The following DSCAML1 variants were observed in gnomAD, a reference collection of about 807,000 sequenced individuals.
The protein encoded by DSCAML1 is cell adhesion molecule DSCAML1.
Under a neutral mutation model 200.5 loss-of-function variants are expected in DSCAML1, and 38 were observed. That is an observed-to-expected ratio of 0.19 (90% CI 0.15 to 0.25). The LOEUF is 0.25. Among genes scored for constraint, DSCAML1 ranks in the 10% least tolerant of loss-of-function variants. The probability of loss-of-function intolerance (pLI) is 1.00; values close to 1 mark genes in which losing one functional copy is unlikely to be tolerated. For missense variants in DSCAML1, 2,223 were observed against 2,858.8 expected (o/e 0.78, Z 5.07); for synonymous variants, 1,215 against 1,165.0 (o/e 1.04, Z -0.87).
chr11:117,513,623 C>G (rs1166678230), intron 8 of DSCAML1, among the ~76,000 whole-genome samples: 1 of 151,856 alleles, frequency 6.6e-6, no homozygotes, highest in African/African-American at 2.4e-5. Context: ...CGCCTGTAGT[C>G]CCAGCTACTC....
At chr11:117,431,158 G>A (rs2047783347) in intron 31 of DSCAML1, 125 bp from the exon 32 acceptor site, 1 of 944,446 alleles carries the variant, frequency 1.1e-6, no homozygotes, top group Non-Finnish European at 1.6e-6. Context: ...GCACCAGGCT[G>A]AGAAGATCCC....
chr11:117,445,171 C>T (rs1372754522), intron 20 of DSCAML1, among the ~76,000 whole-genome samples: 5 of 152,206 alleles, frequency 3.3e-5, no homozygotes, highest in Non-Finnish European at 1.5e-5. Flanking sequence ...CTGAGAGGCC[C>T]AATAACTTAT....
chr11:117,602,435 A>G (rs1229824521), intron 3 of DSCAML1, among the ~76,000 whole-genome samples: 1 of 152,128 alleles, frequency 6.6e-6, no homozygotes, highest in Non-Finnish European at 1.5e-5. Context: ...ATCTCAGTTC[A>G]CTGCAACCTC....
At chr11:117,484,590 T>C (rs1156594570) in intron 11 of DSCAML1, among the ~76,000 whole-genome samples, 1 of 152,250 alleles carries the variant, frequency 6.6e-6, no homozygotes, top group Admixed American at 6.5e-5. Context: ...GTATGAATTA[T>C]TGACTAAGGT....
At chr11:117,514,485 C>T (rs1252195513) in intron 8 of DSCAML1, among the ~76,000 whole-genome samples, 5 of 151,646 alleles carry the variant, frequency 3.3e-5, no homozygotes, top group South Asian at 4.2e-4. Context: ...GGGCCATTCT[C>T]GGTTGGAGCC....
At chr11:117,698,099 A>G (rs762558293) in intron 3 of DSCAML1, among the ~76,000 whole-genome samples, 5 of 152,130 alleles carry the variant, frequency 3.3e-5, no homozygotes, top group Admixed American at 6.5e-5. Context: ...AGGCTGAATC[A>G]TATTCCATTG....
chr11:117,624,981 G>C (rs2052013843), intron 3 of DSCAML1, among the ~76,000 whole-genome samples: 1 of 152,134 alleles, frequency 6.6e-6, no homozygotes, highest in Non-Finnish European at 1.5e-5. Context: ...CCCATGCCTG[G>C]TCTCCCGCAA....
intron 6 of DSCAML1, among the ~76,000 whole-genome samples, chr11:117,519,433 TG>T (rs1364239591): frequency 6.6e-6 from 1 of 152,242 alleles, no homozygotes; most frequent in East Asian, 1.9e-4. Context: ...CTCTGTGCCC[TG>T]GCTTCCTCAC....
chr11:117,774,867 G>T (rs1050392339), intron 3 of DSCAML1, among the ~76,000 whole-genome samples: 73 of 152,138 alleles, frequency 4.8e-4, no homozygotes, highest in African/African-American at 1.7e-3. Context: ...CTTCTGTAAA[G>T]TGGAGAGGGG....
At chr11:117,678,595 G>T (rs914250632) in intron 3 of DSCAML1, among the ~76,000 whole-genome samples, 2 of 152,206 alleles carry the variant, frequency 1.3e-5, no homozygotes, top group Admixed American at 1.3e-4. Flanking sequence ...AAGCATTTCC[G>T]AAAAGGTGAC....
intron 3 of DSCAML1, among the ~76,000 whole-genome samples, chr11:117,756,873 G>A (rs976802741): frequency 2.0e-5 from 3 of 152,182 alleles, no homozygotes; most frequent in Non-Finnish European, 2.9e-5. Context: ...CACGCTCAGC[G>A]GTGGCTCCCT....
intron 21 of DSCAML1, among the ~76,000 whole-genome samples, chr11:117,442,373 T>G (rs1213392326): frequency 6.6e-6 from 1 of 152,006 alleles, no homozygotes; most frequent in East Asian, 1.9e-4. Context: ...TATATTAGTG[T>G]GTATAGTGTG....
At chr11:117,620,620 A>G (rs2051908837) in intron 3 of DSCAML1, among the ~76,000 whole-genome samples, 1 of 152,184 alleles carries the variant, frequency 6.6e-6, no homozygotes, top group Non-Finnish European at 1.5e-5. Context: ...CTCCTCCCGC[A>G]TGTCACAGAG....
rs2054035283 is a variant in DSCAML1, at chr11:117,721,164, T to A, written c.511+55627A>T. 2.6e-5 allele frequency among the ~76,000 whole-genome samples: 4 copies of A among 152,330 alleles called. No homozygotes were observed. The South Asian group carries it at 6.2e-4, about 24-fold the overall frequency. On this transcript the variant is annotated intron_variant, in intron 3 of 32. Transcript: ENST00000651296. ...ATCATAATCACAATAACAGCTACCA[T>A]GTTCTGCACACTTGGACTGCACCAA...
At chr11:117,673,856 C>T (rs1301778733) in intron 3 of DSCAML1, among the ~76,000 whole-genome samples, 1 of 152,252 alleles carries the variant, frequency 6.6e-6, no homozygotes, top group South Asian at 2.1e-4. Context: ...ATTCCCCAAC[C>T]TTTTAGGCTG....
chr11:117,768,505 G>A (rs2054939060), intron 3 of DSCAML1, among the ~76,000 whole-genome samples: 1 of 152,148 alleles, frequency 6.6e-6, no homozygotes, highest in African/African-American at 2.4e-5. Flanking sequence ...GGGAGCACAG[G>A]TGGTGAGTAA....
intron 3 of DSCAML1, among the ~76,000 whole-genome samples, chr11:117,549,003 A>G (rs930732271): frequency 6.6e-6 from 1 of 152,156 alleles, no homozygotes; most frequent in Non-Finnish European, 1.5e-5. Flanking sequence ...ATGTGGCTAA[A>G]AGGGACATGG....
intron 3 of DSCAML1, among the ~76,000 whole-genome samples, chr11:117,680,425 A>G (rs2053291971): frequency 6.6e-6 from 1 of 152,254 alleles, no homozygotes; most frequent in Non-Finnish European, 1.5e-5. Context: ...GCTAGGCCAC[A>G]GAGCAGAAAG....
chr11:117,797,041 TAA>T lies in DSCAML1; in HGVS notation c.37_38del (p.Leu13ThrfsTer6), dbSNP rs1335486826. The part of the protein sequence containing the change: ...LVTFLLLLDS[L>X]HKARPEDVGT... Reference sequence around the variant, plus strand: ...CGCCCGCGCAGGTCTCACCTTTGTGTAAAGAGTCCAGGAGCAGGAGGAAAGTT... The same window carrying T: ...CGCCCGCGCAGGTCTCACCTTTGTGTAGAGTCCAGGAGCAGGAGGAAAGTT... On this transcript the variant is annotated frameshift_variant, in exon 1 of 33. Coordinates refer to ENST00000651296, the MANE Select transcript of DSCAML1 (RefSeq NM_020693.4). LOFTEE classifies it high-confidence loss of function. 1 of 1,534,888 alleles carries T rather than the reference TAA, an allele frequency of 6.5e-7. No individual in the cohort carries two copies. The highest frequency in any genetic ancestry group is 1.4e-5 in the African/African-American group (1 of 69,898).
Sources: allele counts gnomAD v4.1 joint callset (sites outside exome capture counted in the v4.1 genomes callset), GRCh38; gene constraint gnomAD v4.1.1; transcripts MANE v1.5; gene names NCBI Gene and HGNC (gene_info 2026-07-23, HGNC 2026-07-21).